Variants in FAM120B observed in about 807,000 individuals in gnomAD.
The protein encoded by FAM120B is constitutive coactivator of peroxisome proliferator-activated receptor gamma.
In FAM120B, 83 loss-of-function variants were observed where a neutral mutation model predicts 96.3. The ratio of observed to expected loss-of-function variants is 0.86; its 90% CI spans 0.72 to 1.03. FAM120B has a LOEUF of 1.03. Among genes scored for constraint, FAM120B ranks in the 50% least tolerant of loss-of-function variants. The pLI is 0.00. For missense variants in FAM120B, 1,027 were observed against 1,121.2 expected, an observed-to-expected ratio of 0.92 and a Z score of 1.20; for synonymous variants, 407 against 402.7, an observed-to-expected ratio of 1.01 and a Z score of -0.13.
chr6:170,391,083 G>T lies in FAM120B; in HGVS notation c.2561G>T (p.Arg854Leu). The part of the protein sequence containing the change: ...VCKACMKENR[R>L]ITGRAHWGSH... ...AAGGCCTGCATGAAGGAGAACAGAC[G>T]CATCACTGGCCGAGCCCACTGGGGC... The change falls in exon 8 of 11, where the codon CGC (arginine) becomes CTC (leucine). Residue 854 changes from arginine (R) to leucine (L), a missense_variant. By Grantham distance (102) the Arg-to-Leu change is moderately radical (BLOSUM62 -2). Coordinates refer to ENST00000476287, the MANE Select transcript of FAM120B (RefSeq NM_032448.3). 1 of 1,614,180 alleles carries T rather than the reference G, an allele frequency of 6.2e-7. No homozygotes were observed. The highest frequency in any genetic ancestry group is 1.3e-5 in the African/African-American group (1 of 75,054).
At chr6:170,325,498 T>C (rs113624383) in intron 3 of FAM120B, among the ~76,000 whole-genome samples, 8 of 151,652 alleles carry the variant, frequency 5.3e-5, no homozygotes, top group African/African-American at 1.9e-4. Flanking sequence ...TTTAGTATTG[T>C]GTTTTATGCA....
chr6:170,361,234 ATACACGTATATATATATATACGTG>A (rs1562567187), intron 6 of FAM120B, among the ~76,000 whole-genome samples: 47 of 97,694 alleles, frequency 4.8e-4, no homozygotes, highest in African/African-American at 1.4e-3. Flanking sequence ...ATATATATAT[ATACACGTATATATATATATACGTG>A]TATATATATA....
At chr6:170,401,305 C>T (rs1778570949) in intron 9 of FAM120B, among the ~76,000 whole-genome samples, 1 of 152,138 alleles carries the variant, frequency 6.6e-6, no homozygotes, top group South Asian at 2.1e-4. Flanking sequence ...CTGAGCTAAG[C>T]CTGAGGGGTC....
chr6:170,361,198 G>GTATATATA (rs71010657), intron 6 of FAM120B, among the ~76,000 whole-genome samples: 1,153 of 65,532 alleles, frequency 0.018, 23 homozygotes, highest in Non-Finnish European at 0.021. Flanking sequence ...ATATATACGT[G>GTATATATA]TATATATATA....
chr6:170,383,023 T>C (rs745479531), intron 6 of FAM120B, among the ~76,000 whole-genome samples: 8 of 149,808 alleles, frequency 5.3e-5, no homozygotes, highest in Non-Finnish European at 1.2e-4. Context: ...TTGGACAAGG[T>C]GCAAAAGCAA....
At chr6:170,389,376 C>A (rs1790362232) in intron 7 of FAM120B, among the ~76,000 whole-genome samples, 1 of 152,148 alleles carries the variant, frequency 6.6e-6, no homozygotes, top group Non-Finnish European at 1.5e-5. Context: ...TTTGGATTTT[C>A]AGATTAGGAG....
chr6:170,293,198 AGGTGAAAG>A (rs780743169), upstream of FAM120B, among the ~76,000 whole-genome samples: 55 of 152,244 alleles, frequency 3.6e-4, no homozygotes, highest in Non-Finnish European at 7.6e-4. Context: ...GGGTGAGGGT[AGGTGAAAG>A]GGTTTCAGGA....
chr6:170,358,393 T>C, intron 6 of FAM120B, 75 bp downstream of exon 6: 2 of 1,076,520 alleles, frequency 1.9e-6, no homozygotes, highest in East Asian at 2.6e-5. Context: ...CCCATTATAG[T>C]TGAAGTTTCA....
Position 170,330,515 on chromosome 6 carries a change from C to T in FAM120B, c.1982C>T (p.Pro661Leu), listed in dbSNP as rs757109952. 3.7e-6 allele frequency: 6 copies of T among 1,614,128 alleles called. No individual in the cohort carries two copies. The highest frequency in any genetic ancestry group is 4.5e-5 in the East Asian group (2 of 44,870). Residue 661 changes from proline to leucine, a missense_variant, in exon 4 of 11, where the codon CCG becomes CTG. Around this residue, in one of 3 missense-constraint regions of FAM120B, gnomAD observed 880 missense variants for 980.9 expected, o/e 0.90. Transcript: ENST00000476287. ...TATCCTGGGAACCCACTGAGGCACC[C>T]GGACCTCGTCAGGCCGCTGCAGATG... ...FVYPGNPLRH[P>L]DLVRPLQMTI...
chr6:170,345,156 C>T (rs1787093511), intron 4 of FAM120B, among the ~76,000 whole-genome samples: 1 of 152,194 alleles, frequency 6.6e-6, no homozygotes, highest in African/African-American at 2.4e-5. Flanking sequence ...AGGCTTTTAT[C>T]ACTGTCCATT....
chr6:170,293,881 G>A (rs980290163), upstream of FAM120B, among the ~76,000 whole-genome samples: 1 of 151,796 alleles, frequency 6.6e-6, no homozygotes, highest in African/African-American at 2.4e-5. Context: ...TAACTCCTGC[G>A]CACCAGTAGC....
intron 4 of FAM120B, among the ~76,000 whole-genome samples, chr6:170,346,085 T>G (rs1362086704): frequency 2.0e-5 from 3 of 152,218 alleles, no homozygotes; most frequent in Non-Finnish European, 4.4e-5. Context: ...TATGGTATTG[T>G]GATCTTACGG....
intron 3 of FAM120B, among the ~76,000 whole-genome samples, chr6:170,327,449 CTG>C (rs1398749849): frequency 6.6e-6 from 1 of 152,236 alleles, no homozygotes; most frequent in East Asian, 1.9e-4. Flanking sequence ...AGTTTTCAGA[CTG>C]TAAAAAAGCA....
intron 1 of FAM120B, among the ~76,000 whole-genome samples, chr6:170,297,158 T>A (rs561544256): frequency 6.6e-6 from 1 of 152,324 alleles, no homozygotes; most frequent in African/African-American, 2.4e-5. Flanking sequence ...TGGGCCTGTC[T>A]GGCTGCAGGG....
chr6:170,383,222 T>A (rs939137553), intron 6 of FAM120B, among the ~76,000 whole-genome samples: 2 of 152,114 alleles, frequency 1.3e-5, no homozygotes, highest in Non-Finnish European at 2.9e-5. Flanking sequence ...AAATAGAAGA[T>A]CTTTGGTATC....
At chr6:170,350,055 A>G (rs2115149317) in intron 5 of FAM120B, among the ~76,000 whole-genome samples, 1 of 152,298 alleles carries the variant, frequency 6.6e-6, no homozygotes, top group East Asian at 1.9e-4. Context: ...CTTGAGTCTG[A>G]TACACAGAGC....
chr6:170,395,017 G>A (rs542252930), intron 8 of FAM120B, among the ~76,000 whole-genome samples: 3 of 152,364 alleles, frequency 2.0e-5, no homozygotes, highest in African/African-American at 7.2e-5. Context: ...ACAGGACAAG[G>A]TGTCATGGAC....
intron 4 of FAM120B, among the ~76,000 whole-genome samples, chr6:170,340,939 C>CT (rs1335530061): frequency 6.6e-6 from 1 of 152,232 alleles, no homozygotes; most frequent in Non-Finnish European, 1.5e-5. Flanking sequence ...GCTGGGAGGT[C>CT]TCTCCCAGTC....
At chr6:170,323,415 TCTGTAAAAAATTAAG>T (rs1785419193) in intron 3 of FAM120B, among the ~76,000 whole-genome samples, 156 bp downstream of exon 3, 1 of 152,236 alleles carries the variant, frequency 6.6e-6, no homozygotes, top group African/African-American at 2.4e-5. Context: ...ACCACTGACA[TCTGTAAAAAATTAAG>T]CGTAAGTGCC....
Sources: gnomAD v4.1 joint callset for allele counts (sites outside exome capture counted in the v4.1 genomes callset) on GRCh38, gnomAD v4.1.1 for gene constraint, gnomAD v4.1.1 regional missense constraint, MANE v1.5 for transcripts, NCBI Gene and HGNC (gene_info 2026-07-23, HGNC 2026-07-21) for gene names.